Variants in RPA1 observed in about 807,000 individuals in gnomAD.
RPA1 encodes replication protein A1, also known as replication protein A 70 kDa DNA-binding subunit.
In RPA1, 49 loss-of-function variants were observed where a neutral mutation model predicts 83.0. The observed-to-expected ratio is 0.59, with a 90% CI of 0.47 to 0.75. RPA1 has a LOEUF of 0.75. Ranked by LOEUF, RPA1 falls within the 30% of genes least tolerant of loss-of-function variation. RPA1 has a pLI of 0.00. For synonymous variants in RPA1, 279 were observed against 281.8 expected, an observed-to-expected ratio of 0.99 and a Z score of 0.10; for missense variants, 693 against 776.1, an observed-to-expected ratio of 0.89 and a Z score of 1.27.
intron 5 of RPA1, among the ~76,000 whole-genome samples, chr17:1,864,929 G>T (rs745336412): frequency 6.6e-6 from 1 of 152,116 alleles, no homozygotes; most frequent in Non-Finnish European, 1.5e-5. Flanking sequence ...AATTAGTTGG[G>T]CGTGGTGGTT....
intron 15 of RPA1, among the ~76,000 whole-genome samples, chr17:1,893,926 T>A (rs1914292392): frequency 6.6e-6 from 1 of 152,002 alleles, no homozygotes; most frequent in Non-Finnish European, 1.5e-5. Context: ...TGGTGTGCGA[T>A]CATGGCTCAC....
At chr17:1,858,655 CG>C (rs1555589527) in intron 5 of RPA1, among the ~76,000 whole-genome samples, 1 of 150,058 alleles carries the variant, frequency 6.7e-6, no homozygotes, top group Non-Finnish European at 1.5e-5. Flanking sequence ...AGTAGAGACG[CG>C]GTTTTGCCAT....
intron 5 of RPA1, among the ~76,000 whole-genome samples, chr17:1,865,086 A>G (rs1007353477): frequency 3.3e-5 from 5 of 152,222 alleles, no homozygotes; most frequent in African/African-American, 1.2e-4. Flanking sequence ...TCTGGACCTT[A>G]GCAGTGAATT....
chr17:1,887,571 A>G (rs1264667850), intron 13 of RPA1, among the ~76,000 whole-genome samples: 1 of 151,094 alleles, frequency 6.6e-6, no homozygotes, highest in Admixed American at 6.6e-5. Flanking sequence ...AAAAAAAAAA[A>G]AATCACCATA....
chr17:1,861,910 T>C (rs1165166296), intron 5 of RPA1, among the ~76,000 whole-genome samples: 1 of 151,888 alleles, frequency 6.6e-6, no homozygotes, highest in African/African-American at 2.4e-5. Flanking sequence ...TTTATTTTTT[T>C]ATTTTTTGAG....
chr17:1,883,026 C>T (rs1913854140), intron 12 of RPA1, among the ~76,000 whole-genome samples: 1 of 152,044 alleles, frequency 6.6e-6, no homozygotes, highest in Non-Finnish European at 1.5e-5. Context: ...TCCGTTTCTT[C>T]AGTAGACTTT....
intron 1 of RPA1, among the ~76,000 whole-genome samples, chr17:1,832,347 C>T (rs1453450531): frequency 6.6e-6 from 1 of 152,054 alleles, no homozygotes; most frequent in Admixed American, 6.6e-5. Flanking sequence ...GGCTAAATCC[C>T]TTTGAGACCC....
At chr17:1,844,809 C>CT in intron 4 of RPA1, 123 bp downstream of exon 4, 2 of 595,716 alleles carry the variant, frequency 3.4e-6, no homozygotes, top group Non-Finnish European at 2.9e-6. Context: ...ACTCAGGTAG[C>CT]TAACACATGG....
In RPA1 at chr17:1,895,134, G is replaced by GGT. The variant is rs759456166; in HGVS notation, c.1746+41_1746+42dup. 3 of 1,531,850 alleles carry GGT rather than the reference G, an allele frequency of 2.0e-6. No individual in the cohort carries two copies. The Admixed American group carries it at 5.1e-5, about 26-fold the overall frequency. The allele number at this position is 1,531,850 out of a possible 1,614,324, so 94.9% of individuals were successfully genotyped here. A position where few individuals can be genotyped will look rare whatever the true frequency, so the allele number is the denominator to read the frequency against. ...TGGGCAGCAGGGTTGGTGGTGGGGAGGTGCTGTTTGTCACCTACGGCAGTG... is the reference window on the plus strand; with the variant it reads ...TGGGCAGCAGGGTTGGTGGTGGGGAGGTGTGCTGTTTGTCACCTACGGCAGTG... On this transcript the variant is annotated intron_variant, in intron 16 of 16. Transcript: ENST00000254719.
At chr17:1,841,091 T>A (rs1441414480) in intron 1 of RPA1, among the ~76,000 whole-genome samples, 1 of 152,088 alleles carries the variant, frequency 6.6e-6, no homozygotes, top group East Asian at 1.9e-4. Flanking sequence ...TAAAGAAAGT[T>A]CTTTTGATGG....
intron 5 of RPA1, among the ~76,000 whole-genome samples, chr17:1,871,556 A>T: frequency 6.6e-6 from 1 of 152,194 alleles, no homozygotes; most frequent in East Asian, 1.9e-4. Flanking sequence ...ACCCTTGGTG[A>T]GCTGCCCACA....
chr17:1,887,658 T>TG (rs1472195849), intron 13 of RPA1, among the ~76,000 whole-genome samples: 9 of 151,318 alleles, frequency 5.9e-5, no homozygotes, highest in African/African-American at 2.2e-4. Flanking sequence ...GAGGCCAAGG[T>TG]GGGTGGATCA....
chr17:1,831,007 C>G (rs1052674474), intron 1 of RPA1, among the ~76,000 whole-genome samples: 1 of 152,074 alleles, frequency 6.6e-6, no homozygotes, highest in Non-Finnish European at 1.5e-5. Context: ...CTCAAGTTAT[C>G]CGCCCGCCTC....
intron 12 of RPA1, among the ~76,000 whole-genome samples, chr17:1,880,980 G>T (rs1913771950): frequency 6.6e-6 from 1 of 152,256 alleles, no homozygotes; most frequent in Admixed American, 6.5e-5. Context: ...GGCTTCAGCA[G>T]CGGTGTGCTG....
chr17:1,872,107 G>T (rs1913395910), intron 5 of RPA1: 1 of 315,748 alleles, frequency 3.2e-6, no homozygotes, highest in Admixed American at 4.0e-5. Flanking sequence ...TAGTGGTAAT[G>T]TCACAGATTC....
intron 4 of RPA1, among the ~76,000 whole-genome samples, chr17:1,849,286 G>GT (rs1912382969): frequency 9.2e-6 from 1 of 108,576 alleles, no homozygotes. Context: ...TTTGTTGGCT[G>GT]TTCTTTTTTT....
In RPA1 at chr17:1,888,625, C is replaced by T. The variant is rs769241603; in HGVS notation, c.1375-50C>T. The T allele has an allele frequency of 1.8e-5, 28 of 1,566,712 alleles. No homozygotes were observed. The South Asian group carries it at 3.2e-4, about 18-fold the overall frequency. On this transcript the variant is annotated intron_variant, in intron 13 of 16. Coordinates refer to ENST00000254719, the MANE Select transcript of RPA1 (RefSeq NM_002945.5). ...GCTTTGAGCTGCCTCTCGGTCCGAT[C>T]CTGGGCGGGCTCGCGACTCCGTGCC...
intron 6 of RPA1, among the ~76,000 whole-genome samples, chr17:1,874,013 ATAT>A (rs150992689): frequency 3.6e-4 from 29 of 81,338 alleles, no homozygotes; most frequent in Non-Finnish European, 2.0e-4. Context: ...AAAAAAAAAA[ATAT>A]ATATATATAT....
rs116482267 is a variant in RPA1, at chr17:1,851,917, C to T, written c.273-1184C>T. On this transcript the variant is annotated intron_variant, in intron 4 of 16. Transcript: ENST00000254719. ...TAGCAGTCAGACCATTTAAAACAAACGATTGATTGTATGTAAAAATCCAAA... is the reference window on the plus strand; with the variant it reads ...TAGCAGTCAGACCATTTAAAACAAATGATTGATTGTATGTAAAAATCCAAA... Among the ~76,000 whole-genome samples, 443 of 151,978 alleles carry T rather than the reference C, an allele frequency of 2.9e-3. 4 individuals carry two copies. Among genetic ancestry groups the T allele is most frequent in the African/African-American group, 9.2e-3 (380 of 41,464 alleles).
Sources: gnomAD v4.1 joint callset for allele counts (sites outside exome capture counted in the v4.1 genomes callset) on GRCh38, gnomAD v4.1.1 for gene constraint, MANE v1.5 for transcripts, NCBI Gene and HGNC (gene_info 2026-07-23, HGNC 2026-07-21) for gene names.